Variants in DESI2 observed in about 807,000 individuals in gnomAD.
DESI2 encodes deubiquitinase DESI2.
In DESI2, 10 loss-of-function variants were observed where a neutral mutation model predicts 24.1. The observed-to-expected ratio is 0.41, with a 90% confidence interval of 0.26 to 0.70. The LOEUF is 0.70. Ranked by LOEUF, DESI2 falls within the 30% of genes least tolerant of loss-of-function variation. The pLI is 0.29. For synonymous variants in DESI2, 71 were observed against 87.7 expected (o/e 0.81, Z 1.06); for missense variants, 122 against 234.9 (o/e 0.52, Z 3.14).
At chr1:244,681,680 G>A (rs1196549082) in intron 1 of DESI2, among the ~76,000 whole-genome samples, 2 of 152,160 alleles carry the variant, frequency 1.3e-5, no homozygotes, top group Non-Finnish European at 2.9e-5. Context: ...TGAACAACAC[G>A]TCTCAGTTTG....
intron 4 of DESI2, among the ~76,000 whole-genome samples, chr1:244,701,808 C>T (rs1235646800): frequency 1.3e-5 from 2 of 152,162 alleles, no homozygotes; most frequent in East Asian, 3.8e-4. Flanking sequence ...ATATTCCTCA[C>T]TTCTTTTTTT....
chr1:244,653,536 G>A (rs1291250512), intron 1 of DESI2, 181 bp downstream of exon 1: 2 of 591,140 alleles, frequency 3.4e-6, no homozygotes, highest in Non-Finnish European at 5.5e-6. Context: ...ACTCGTCGAC[G>A]CTCCGGTGAA....
chr1:244,656,257 C>CA (rs1675642965), intron 1 of DESI2: 1 of 152,134 alleles, frequency 6.6e-6, no homozygotes, highest in South Asian at 2.1e-4. Context: ...GTTAGATTGT[C>CA]ACCCGTTCCA....
intron 4 of DESI2, among the ~76,000 whole-genome samples, chr1:244,703,611 A>G (rs1677566207): frequency 6.6e-6 from 1 of 151,272 alleles, no homozygotes; most frequent in African/African-American, 2.4e-5. Context: ...TTGGACTTCC[A>G]AAGTACAGAG....
intron 1 of DESI2, among the ~76,000 whole-genome samples, chr1:244,658,797 C>T (rs1470901023): frequency 6.6e-6 from 1 of 151,966 alleles, no homozygotes; most frequent in East Asian, 1.9e-4. Context: ...CTAGGGTGTC[C>T]AGATGAAGGG....
chr1:244,686,591 T>C lies in DESI2; in HGVS notation c.43-6T>C. The C allele has an allele frequency of 6.3e-7, 1 of 1,588,022 alleles. No homozygotes were observed. On this transcript the variant is annotated splice_region_variant and splice_polypyrimidine_tract_variant and intron_variant, in intron 1 of 4. Coordinates refer to ENST00000302550, the MANE Select transcript of DESI2 (RefSeq NM_016076.5). ...ATTCTGAATCTTTTCTTTCTTTTTT[T>C]CTCAGTATTGGATGAACGAATATAC... is the stretch of plus-strand genomic sequence containing the variant.
chr1:244,672,605 G>A (rs1283126930), intron 1 of DESI2, among the ~76,000 whole-genome samples: 5 of 152,284 alleles, frequency 3.3e-5, no homozygotes, highest in South Asian at 2.1e-4. Flanking sequence ...TTGGCCACGC[G>A]TGGTGGCTCA....
intron 1 of DESI2, among the ~76,000 whole-genome samples, chr1:244,654,656 A>G (rs1212860182): frequency 6.6e-6 from 1 of 152,200 alleles, no homozygotes; most frequent in African/African-American, 2.4e-5. Context: ...AAAAGATCCT[A>G]GAAAACCATG....
rs535578097 is a variant in DESI2, at chr1:244,689,935, C to T, written c.209+593C>T. 2.6e-5 allele frequency among the ~76,000 whole-genome samples: 4 copies of T among 152,280 alleles called. No homozygotes were observed. In the South Asian group the frequency reaches 8.3e-4, roughly 32 times the overall value. On this transcript the variant is annotated intron_variant, in intron 3 of 4. Coordinates refer to ENST00000302550, the MANE Select transcript of DESI2 (RefSeq NM_016076.5). This position sits in a 1 kb window ranked among gnomAD's most constrained non-coding sequence, Gnocchi z 4.0. ...GTCCCAATGAAAGGGACACTTTACA[C>T]GTTTGAAATAATTAAACAGTTGATT... is the stretch of plus-strand genomic sequence containing the variant.
At chr1:244,663,766 C>A (rs1466925972) in intron 1 of DESI2, among the ~76,000 whole-genome samples, 1 of 151,860 alleles carries the variant, frequency 6.6e-6, no homozygotes, top group Admixed American at 6.6e-5. Flanking sequence ...CGCCTGTAAT[C>A]CCAGCACTTT....
intron 4 of DESI2, 32 bp downstream of exon 4, chr1:244,692,052 A>AAT: frequency 1.9e-6 from 3 of 1,550,756 alleles, no homozygotes; most frequent in Non-Finnish European, 2.6e-6. Context: ...AAGTTCTTCA[A>AAT]ATAAATATTT....
At chr1:244,683,075 A>G (rs1377705518) in intron 1 of DESI2, among the ~76,000 whole-genome samples, 1 of 152,052 alleles carries the variant, frequency 6.6e-6, no homozygotes, top group Non-Finnish European at 1.5e-5. Flanking sequence ...AACATTAGGG[A>G]TCCAGGGGGG....
At chr1:244,672,288 G>A (rs1404903376) in intron 1 of DESI2, among the ~76,000 whole-genome samples, 1 of 152,122 alleles carries the variant, frequency 6.6e-6, no homozygotes, top group East Asian at 1.9e-4. Flanking sequence ...CTCAGTTCAT[G>A]GGAGATCTGG....
At chr1:244,693,516 C>T (rs1046020673) in intron 4 of DESI2, among the ~76,000 whole-genome samples, 7 of 152,088 alleles carry the variant, frequency 4.6e-5, no homozygotes, top group African/African-American at 1.7e-4. Context: ...ACCACAACCT[C>T]TGCCTCCCAG....
intron 2 of DESI2, among the ~76,000 whole-genome samples, chr1:244,688,648 A>G (rs1054917092): frequency 3.3e-5 from 5 of 152,214 alleles, no homozygotes; most frequent in Non-Finnish European, 7.3e-5. Context: ...TTGGATGTAC[A>G]GTCAAAAAAT....
At chr1:244,704,687 C>G (rs1258371790) in intron 4 of DESI2, among the ~76,000 whole-genome samples, 1 of 152,142 alleles carries the variant, frequency 6.6e-6, no homozygotes, top group Middle Eastern at 3.2e-3. Context: ...GAGACGGAGT[C>G]TCACTCTGTT....
chr1:244,692,534 A>G (rs2148810793), intron 4 of DESI2, among the ~76,000 whole-genome samples: 1 of 152,308 alleles, frequency 6.6e-6, no homozygotes, highest in African/African-American at 2.4e-5. Flanking sequence ...AATGGAGGAA[A>G]GAAATTAGAA....
At chr1:244,693,412 A>G (rs1677096941) in intron 4 of DESI2, among the ~76,000 whole-genome samples, 1 of 150,458 alleles carries the variant, frequency 6.6e-6, no homozygotes, top group African/African-American at 2.4e-5. Context: ...GCTTTTCCCC[A>G]TATGAGTGCT....
At chr1:244,702,449 G>C (rs992368895) in intron 4 of DESI2, among the ~76,000 whole-genome samples, 1 of 152,200 alleles carries the variant, frequency 6.6e-6, no homozygotes, top group Admixed American at 6.5e-5. Context: ...GGCAGGTGGA[G>C]ATTGCAGCGA....
Sources: allele counts gnomAD v4.1 joint callset (sites outside exome capture counted in the v4.1 genomes callset), GRCh38; gene constraint gnomAD v4.1.1; non-coding constraint Gnocchi (gnomAD v3.1); transcripts MANE v1.5; gene names NCBI Gene and HGNC (gene_info 2026-07-23, HGNC 2026-07-21).